PCDHGA7: variants seen among roughly 807,000 people sequenced by gnomAD.
PCDHGA7 encodes protocadherin gamma-A7.
PCDHGA7 carries 44 observed loss-of-function variants against 58.3 expected under a neutral mutation model. The observed-to-expected ratio is 0.75, with a 90% confidence interval of 0.59 to 0.97. The LOEUF (loss-of-function observed/expected upper bound fraction) is 0.97. Ranked by LOEUF, PCDHGA7 falls within the 50% of genes least tolerant of loss-of-function variation. PCDHGA7 has a pLI of 0.00. For synonymous variants in PCDHGA7, 516 were observed against 504.2 expected, an observed-to-expected ratio of 1.02 and a Z score of -0.31; for missense variants, 1,266 against 1,188.7, an observed-to-expected ratio of 1.06 and a Z score of -0.96.
rs762312563 is a variant in PCDHGA7 at position 141,493,182 on chromosome 5, A to G, written c.2425-1625A>G. Among the ~76,000 whole-genome samples, 1 of 152,232 alleles carries G rather than the reference A, an allele frequency of 6.6e-6. No homozygotes were observed. The highest frequency in any genetic ancestry group is 2.4e-5 in the African/African-American group (1 of 41,460). The stretch of plus-strand genomic sequence containing the variant: ...TAGCTGATTGAGAGAAACTTACTAT[A>G]TAACTCCTTTGAGAACCTCATCTCA... On this transcript the variant is annotated intron_variant, in intron 1 of 3. Coordinates refer to ENST00000518325, the MANE Select transcript of PCDHGA7 (RefSeq NM_018920.4). The surrounding 1 kb of genome is among the most constrained non-coding windows in gnomAD (Gnocchi z 4.3).
intron 1 of PCDHGA7, chr5:141,392,953 A>T: frequency 6.2e-7 from 1 of 1,613,924 alleles, no homozygotes; most frequent in Non-Finnish European, 8.5e-7. Context: ...TTCGTGGGTA[A>T]TATCTCCAAG....
Position 141,394,179 on chromosome 5 carries a change from T to C in PCDHGA7, c.2424+8856T>C. The C allele has an allele frequency of 2.5e-6, 4 of 1,613,868 alleles. No individual in the cohort carries two copies. The South Asian group carries it at 4.4e-5, about 18-fold the overall frequency. On this transcript the variant is annotated intron_variant, in intron 1 of 3. Coordinates refer to ENST00000518325, the MANE Select transcript of PCDHGA7 (RefSeq NM_018920.4). ...CAACCCTCCTACTTTCCCTCATGCC[T>C]CCTACTCAGCGTATATCCTAGAGAA...
chr5:141,421,040 C>T (rs2096541229), intron 1 of PCDHGA7: 1 of 545,472 alleles, frequency 1.8e-6, no homozygotes, highest in East Asian at 3.1e-5. Context: ...GTCCCTCCCT[C>T]CCCCGCCTCT....
At chr5:141,388,195 T>C in intron 1 of PCDHGA7, 1 of 1,563,830 alleles carries the variant, frequency 6.4e-7, no homozygotes, top group Non-Finnish European at 8.8e-7. Flanking sequence ...GCTTGTGCTC[T>C]GGAATTTGAG....
At chr5:141,453,145 G>A (rs1329081754) in intron 1 of PCDHGA7, among the ~76,000 whole-genome samples, 3 of 151,752 alleles carry the variant, frequency 2.0e-5, no homozygotes, top group Admixed American at 6.6e-5. Context: ...ATAGGGTCTC[G>A]CTATGTCACC....
rs1561863583 is a variant in PCDHGA7, at chr5:141,432,685, C to A, written c.2424+47362C>A. Reference sequence around the variant, plus strand: ...ACAGAGACGCGCTCAAGCAGAGCCTCGTAGTGGCCGTCCAGGACCACGGCC... The same window carrying A: ...ACAGAGACGCGCTCAAGCAGAGCCTAGTAGTGGCCGTCCAGGACCACGGCC... On this transcript the variant is annotated intron_variant, in intron 1 of 3. Transcript: ENST00000518325. The surrounding 1 kb of genome is among the most constrained non-coding windows in gnomAD (Gnocchi z 6.0). 3.7e-6 allele frequency: 6 copies of A among 1,613,932 alleles called. No individual in the cohort carries two copies. Among genetic ancestry groups the A allele is most frequent in the Non-Finnish European group, 5.1e-6 (6 of 1,179,966 alleles).
Position 141,512,594 on chromosome 5 carries a change from G to C in PCDHGA7, c.*1421G>C, listed in dbSNP as rs981124898. On this transcript the variant is annotated 3_prime_UTR_variant, in exon 4 of 4. Transcript: ENST00000518325. ...CACCCCCTTCTGCCCCTGGGTCCCC[G>C]GCCATCCAGCGGGGCTGCCAGAGAA... 1 of 152,812 alleles carries C rather than the reference G, an allele frequency of 6.5e-6. No homozygotes were observed. The highest frequency in any genetic ancestry group is 6.5e-5 in the Admixed American group (1 of 15,280). The allele number at this position is 152,812 out of a possible 1,614,324, so 9.5% of individuals were successfully genotyped here. A position where few individuals can be genotyped will look rare whatever the true frequency, so the allele number is the denominator to read the frequency against.
At chr5:141,422,926 GC>G in intron 1 of PCDHGA7, 1 of 1,614,230 alleles carries the variant, frequency 6.2e-7, no homozygotes, top group Non-Finnish European at 8.5e-7. Flanking sequence ...CCTGTACCCT[GC>G]CCTCCCCACA....
At chr5:141,413,867 T>TTG in intron 1 of PCDHGA7, 1 of 1,613,428 alleles carries the variant, frequency 6.2e-7, no homozygotes, top group Non-Finnish European at 8.5e-7. Flanking sequence ...GGCACTGTCC[T>TTG]TGTCAGTGTG....
intron 1 of PCDHGA7, chr5:141,413,097 C>T (rs531228946): frequency 1.4e-6 from 2 of 1,447,922 alleles, no homozygotes; most frequent in African/African-American, 1.4e-5. Flanking sequence ...CACCCTGAAG[C>T]CACAGAAAGA....
Position 141,486,814 on chromosome 5 carries a change from C to T in PCDHGA7, c.2425-7993C>T, listed in dbSNP as rs1048351154. On this transcript the variant is annotated intron_variant, in intron 1 of 3. Transcript: ENST00000518325. The surrounding 1 kb of genome is among the most constrained non-coding windows in gnomAD (Gnocchi z 5.0). ...ATCGGGGCAACCCACCCCTTAGCAG[C>T]ACTGTAACAGTTCGTCTATTTGTGC... 1.2e-6 allele frequency: 2 copies of T among 1,614,122 alleles called. No individual in the cohort carries two copies. Among genetic ancestry groups the T allele is most frequent in the Non-Finnish European group, 1.7e-6 (2 of 1,180,052 alleles).
intron 1 of PCDHGA7, chr5:141,394,190 G>A (rs1370592594): frequency 1.9e-6 from 3 of 1,613,800 alleles, no homozygotes; most frequent in African/African-American, 1.3e-5. Context: ...CCTACTCAGC[G>A]TATATCCTAG....
Position 141,384,990 on chromosome 5 carries a change from G to A in PCDHGA7, c.2091G>A (p.Val697=). ...YDLTLYLVVA[V]ATVSCVFLAF... ...TCACGTTGTACCTGGTGGTGGCGGT[G>A]GCCACAGTCTCCTGCGTCTTCCTAG... The change falls in exon 1 of 4, where the codon GTG becomes GTA. Residue 697 remains valine, a synonymous_variant. Coordinates refer to ENST00000518325, the MANE Select transcript of PCDHGA7 (RefSeq NM_018920.4). The A allele has an allele frequency of 6.2e-7, 1 of 1,614,140 alleles. No individual in the cohort carries two copies. Among genetic ancestry groups the A allele is most frequent in the Non-Finnish European group, 8.5e-7 (1 of 1,180,036 alleles).
In PCDHGA7 at chr5:141,432,770, G is replaced by A. The variant is rs930442281; in HGVS notation, c.2424+47447G>A. The A allele has an allele frequency of 6.2e-7, 1 of 1,614,128 alleles. No individual in the cohort carries two copies. On this transcript the variant is annotated intron_variant, in intron 1 of 3. Coordinates refer to ENST00000518325, the MANE Select transcript of PCDHGA7 (RefSeq NM_018920.4). This position sits in a 1 kb window ranked among gnomAD's most constrained non-coding sequence, Gnocchi z 6.0. ...GGCCGTGGCCGACAGCATCCCCCAAGTCCTGGCGGACCTCGGCAGCCTCGA... is the reference window on the plus strand; with the variant it reads ...GGCCGTGGCCGACAGCATCCCCCAAATCCTGGCGGACCTCGGCAGCCTCGA...
intron 1 of PCDHGA7, chr5:141,419,142 G>A (rs1351034238): frequency 6.2e-7 from 1 of 1,613,902 alleles, no homozygotes; most frequent in Non-Finnish European, 8.5e-7. Context: ...ACAGACAGGG[G>A]CAAGCCTCCG....
chr5:141,419,936 G>T, intron 1 of PCDHGA7: 2 of 1,614,074 alleles, frequency 1.2e-6, no homozygotes, highest in Non-Finnish European at 1.7e-6. Context: ...GTTTTACCTG[G>T]TGGTGGCCTT....
chr5:141,490,517 C>T lies in PCDHGA7; in HGVS notation c.2425-4290C>T. 6.2e-7 allele frequency: 1 copy of T among 1,613,972 alleles called. No homozygotes were observed. The highest frequency in any genetic ancestry group is 2.2e-5 in the East Asian group (1 of 44,854). ...TCCCACTATATCATCGAGCTGCTGG[C>T]CAGCGATGCTGGTTCACCTTCCCTA... On this transcript the variant is annotated intron_variant, in intron 1 of 3. Coordinates refer to ENST00000518325, the MANE Select transcript of PCDHGA7 (RefSeq NM_018920.4). The surrounding 1 kb of genome is among the most constrained non-coding windows in gnomAD (Gnocchi z 5.4).
intron 2 of PCDHGA7, among the ~76,000 whole-genome samples, chr5:141,503,010 A>ATT (rs199924715): frequency 4.8e-5 from 7 of 146,772 alleles, no homozygotes; most frequent in East Asian, 2.0e-4. Context: ...TGCCCGGTTA[A>ATT]TTTTTTTTTT....
intron 1 of PCDHGA7, chr5:141,415,644 A>G: frequency 6.2e-7 from 1 of 1,600,070 alleles, no homozygotes; most frequent in Non-Finnish European, 8.5e-7. Flanking sequence ...CTTTTGTTAA[A>G]AAAAAAAAGA....
Sources: allele counts gnomAD v4.1 joint callset (sites outside exome capture counted in the v4.1 genomes callset), GRCh38; gene constraint gnomAD v4.1.1; non-coding constraint Gnocchi (gnomAD v3.1); transcripts MANE v1.5; gene names NCBI Gene and HGNC (gene_info 2026-07-23, HGNC 2026-07-21).